The following ASGR1 variants were observed in gnomAD, a reference collection of about 807,000 sequenced individuals.
ASGR1 encodes the protein asialoglycoprotein receptor 1.
Under a neutral mutation model 33.1 loss-of-function variants are expected in ASGR1, and 35 were observed. That is an observed-to-expected ratio of 1.06 (90% CI 0.81 to 1.40). ASGR1 has a LOEUF of 1.40. Ranked by LOEUF, ASGR1 falls within the 40% of genes most tolerant of loss-of-function variation. The pLI is 0.00. For synonymous variants in ASGR1, 142 were observed against 152.5 expected, an observed-to-expected ratio of 0.93 and a Z score of 0.51; for missense variants, 396 against 373.7, an observed-to-expected ratio of 1.06 and a Z score of -0.49.
Position 7,177,125 on chromosome 17 carries a change from C to G in ASGR1, c.188-49G>C, listed in dbSNP as rs745308724. ...GAAGAAAACGGGATCGCTGTGTCCG[C>G]CACCACTGCACCCACCACTCCCTTG... On this transcript the variant is annotated intron_variant, in intron 3 of 8. Transcript: ENST00000269299. 3.1e-6 allele frequency: 5 copies of G among 1,613,002 alleles called. No homozygotes were observed. In the Admixed American group the frequency reaches 6.7e-5, roughly 22 times the overall value.
chr17:7,176,748 A>T lies in ASGR1; in HGVS notation c.355+82T>A, dbSNP rs1428012354. The T allele has an allele frequency of 3.8e-6, 6 of 1,558,710 alleles. No homozygotes were observed. In the East Asian group the frequency reaches 1.4e-4, roughly 35 times the overall value. ...CTCTCATTCTCACACACATCCACAC[A>T]CACTCACACTTTCTCACACACATCC... On this transcript the variant is annotated intron_variant, in intron 5 of 8. Transcript: ENST00000269299.
At chr17:7,178,628 C>T in intron 1 of ASGR1, 40 bp from the exon 2 acceptor site, 1 of 1,474,538 alleles carries the variant, frequency 6.8e-7, no homozygotes, top group Non-Finnish European at 9.4e-7. Flanking sequence ...TGGGGGCTCA[C>T]CAGGACTAGA....
In ASGR1 at chr17:7,173,500, G is replaced by T; in HGVS notation, c.*159C>A. ...TGATAACCTGCAAACTGCAGAAAGC[G>T]CCACGGGTTTCAAGCTCCTCACCTT... On this transcript the variant is annotated 3_prime_UTR_variant, in exon 9 of 9. Transcript: ENST00000269299. The surrounding 1 kb of genome is among the most constrained non-coding windows in gnomAD (Gnocchi z 4.7). 1 of 990,766 alleles carries T rather than the reference G, an allele frequency of 1.0e-6. No individual in the cohort carries two copies. Among genetic ancestry groups the T allele is most frequent in the Non-Finnish European group, 1.4e-6 (1 of 692,896 alleles). The allele number at this position is 990,766 out of a possible 1,614,324, so 61.4% of individuals were successfully genotyped here.
rs1444372172 is a variant in ASGR1, at chr17:7,173,941, G to A, written c.701+20C>T. ...GCGCGAAGGCGGCCGGACCCAGGCC[G>A]AGGGAGGGCGCGCACTCACTTGAAG... is the stretch of plus-strand genomic sequence containing the variant. On this transcript the variant is annotated intron_variant, in intron 8 of 8. Coordinates refer to ENST00000269299, the MANE Select transcript of ASGR1 (RefSeq NM_001671.5). This position sits in a 1 kb window ranked among gnomAD's most constrained non-coding sequence, Gnocchi z 4.7. The A allele has an allele frequency of 3.7e-6, 6 of 1,613,860 alleles. No individual in the cohort carries two copies. Among genetic ancestry groups the A allele is most frequent in the African/African-American group, 1.3e-5 (1 of 75,070 alleles).
intron 5 of ASGR1, among the ~76,000 whole-genome samples, chr17:7,175,983 TAC>T (rs763784360): frequency 3.6e-5 from 5 of 139,324 alleles, no homozygotes; most frequent in Non-Finnish European, 7.7e-5. Context: ...CTCACACACA[TAC>T]ACTGACACAT....
chr17:7,175,086 CACAG>C (rs1211774380), intron 5 of ASGR1, among the ~76,000 whole-genome samples: 37 of 146,358 alleles, frequency 2.5e-4, no homozygotes, highest in African/African-American at 9.1e-4. Context: ...AACCCACATA[CACAG>C]ACAACACACA....
chr17:7,178,510 G>GTGGTCACTCTCCTCATTGTCCAGATGC lies in ASGR1; in HGVS notation c.27_53dup (p.Gln9_Asp17dup). The GTGGTCACTCTCCTCATTGTCCAGATGC allele has an allele frequency of 1.2e-6, 2 of 1,614,006 alleles. No individual in the cohort carries two copies. Among genetic ancestry groups the GTGGTCACTCTCCTCATTGTCCAGATGC allele is most frequent in the Non-Finnish European group, 1.7e-6 (2 of 1,180,010 alleles). On this transcript the variant is annotated inframe_insertion, in exon 2 of 9. Coordinates refer to ENST00000269299, the MANE Select transcript of ASGR1 (RefSeq NM_001671.5). The stretch of plus-strand genomic sequence containing the variant: ...GGCCCTCACCTTTTCTGAGCTGATG[G>GTGGTCACTCTCCTCATTGTCCAGATGC]TGGTCACTCTCCTCATTGTCCAGAT...
In ASGR1 at chr17:7,173,492, C is replaced by CA. The variant is rs2069158065; in HGVS notation, c.*166dup. 4.4e-6 allele frequency: 4 copies of CA among 919,448 alleles called. No homozygotes were observed. The South Asian group carries it at 7.0e-5, about 16-fold the overall frequency. 57.0% of individuals were successfully genotyped at this position (919,448 alleles called of 1,614,324 possible). A position where few individuals can be genotyped will look rare whatever the true frequency, so the allele number is the denominator to read the frequency against. The stretch of plus-strand genomic sequence containing the variant: ...GTTCACAATGATAACCTGCAAACTG[C>CA]AGAAAGCGCCACGGGTTTCAAGCTC... On this transcript the variant is annotated 3_prime_UTR_variant, in exon 9 of 9. Coordinates refer to ENST00000269299, the MANE Select transcript of ASGR1 (RefSeq NM_001671.5). The surrounding 1 kb of genome is among the most constrained non-coding windows in gnomAD (Gnocchi z 4.7).
intron 5 of ASGR1, among the ~76,000 whole-genome samples, chr17:7,176,349 CACAG>C (rs1452974329): frequency 6.0e-5 from 9 of 150,686 alleles, no homozygotes; most frequent in South Asian, 2.1e-4. Flanking sequence ...CTCTCACACT[CACAG>C]ACACACACAC....
chr17:7,176,762 T>C (rs2069220139), intron 5 of ASGR1, 68 bp downstream of exon 5: 4 of 1,575,260 alleles, frequency 2.5e-6, no homozygotes, highest in East Asian at 2.3e-5. Flanking sequence ...TCACACTTTC[T>C]CACACACATC....
In ASGR1 at chr17:7,173,591, G is replaced by A. The variant is rs901464342; in HGVS notation, c.*68C>T. On this transcript the variant is annotated 3_prime_UTR_variant, in exon 9 of 9. Transcript: ENST00000269299. This position sits in a 1 kb window ranked among gnomAD's most constrained non-coding sequence, Gnocchi z 4.7. ...GATGAAAATTCCCGAGAAAGCAGAA[G>A]AGGCCCCCAGATGGGCGGATTCCCA... 6.3e-6 allele frequency: 10 copies of A among 1,595,006 alleles called. No homozygotes were observed. The Admixed American group carries it at 1.7e-4, about 27-fold the overall frequency.
intron 5 of ASGR1, among the ~76,000 whole-genome samples, chr17:7,175,739 TCA>T (rs1296512793): frequency 1.4e-5 from 2 of 144,420 alleles, no homozygotes; most frequent in East Asian, 2.1e-4. Flanking sequence ...ACTCTCCCAC[TCA>T]CAAACACCCA....
intron 2 of ASGR1, chr17:7,177,730 T>G: frequency 1.0e-5 from 2 of 191,902 alleles, no homozygotes; most frequent in Non-Finnish European, 2.2e-5. Flanking sequence ...TGTCCATGAA[T>G]TCCACTTGTC....
intron 5 of ASGR1, among the ~76,000 whole-genome samples, chr17:7,174,927 T>C (rs1037495390): frequency 6.4e-5 from 9 of 141,418 alleles, no homozygotes; most frequent in South Asian, 4.5e-4. Flanking sequence ...CAACACACCC[T>C]AACCCACATA....
chr17:7,176,527 C>CCA lies in ASGR1; in HGVS notation c.355+301_355+302dup, dbSNP rs57702147. 757 of 413,418 alleles carry CCA rather than the reference C, an allele frequency of 1.8e-3. 2 individuals carry two copies. The highest frequency in any genetic ancestry group is 4.7e-3 in the East Asian group (90 of 18,962). 25.6% of individuals were successfully genotyped at this position (413,418 alleles called of 1,614,324 possible). On this transcript the variant is annotated intron_variant, in intron 5 of 8. Coordinates refer to ENST00000269299, the MANE Select transcript of ASGR1 (RefSeq NM_001671.5). The stretch of plus-strand genomic sequence containing the variant: ...CTCAGACACACACCCCCTCTCATTC[C>CCA]CACACACACACCATCTCATTCTCAC...
At chr17:7,176,281 C>CA (rs543063577) in intron 5 of ASGR1, among the ~76,000 whole-genome samples, 1 of 144,160 alleles carries the variant, frequency 6.9e-6, no homozygotes, top group Non-Finnish European at 1.5e-5. Flanking sequence ...TCACACACCC[C>CA]ATCTCATTCT....
rs1183010037 is a variant in ASGR1 at position 7,173,818 on chromosome 17, C to T, written c.717G>A (p.Glu239=). 1 of 1,610,680 alleles carries T rather than the reference C, an allele frequency of 6.2e-7. No homozygotes were observed. ...CGTGGCCGTACCAGTCGTCCGGCTG[C>T]TCCGGCCTCCAGTTCCTGGGGACAG... ...YETGFKNWRP[E]QPDDWYGHGL... is the part of the protein sequence containing the mutation. Residue 239 remains glutamate, a synonymous_variant, in exon 9 of 9, where the codon GAG becomes GAA. Coordinates refer to ENST00000269299, the MANE Select transcript of ASGR1 (RefSeq NM_001671.5). The surrounding 1 kb of genome is among the most constrained non-coding windows in gnomAD (Gnocchi z 4.7).
intron 5 of ASGR1, among the ~76,000 whole-genome samples, chr17:7,174,961 C>T (rs1317619596): frequency 6.7e-6 from 1 of 148,876 alleles, no homozygotes; most frequent in Non-Finnish European, 1.5e-5. Context: ...CACAGACACA[C>T]AACACACCCT....
In ASGR1 at chr17:7,174,302, A is replaced by G; in HGVS notation, c.443-13T>C. 8 of 1,613,676 alleles carry G rather than the reference A, an allele frequency of 5.0e-6. No homozygotes were observed. Among genetic ancestry groups the G allele is most frequent in the Non-Finnish European group, 5.9e-6 (7 of 1,179,748 alleles). The stretch of plus-strand genomic sequence containing the variant: ...GTCCTTTCTGAGCCTGAGCGGGAGA[A>G]ACGGGGCGCAGGGGCTAAGCGCTGC... On this transcript the variant is annotated splice_polypyrimidine_tract_variant and intron_variant, in intron 6 of 8. Transcript: ENST00000269299.
Sources: gnomAD v4.1 joint callset for allele counts (sites outside exome capture counted in the v4.1 genomes callset) on GRCh38, gnomAD v4.1.1 for gene constraint, Gnocchi (gnomAD v3.1) non-coding constraint, MANE v1.5 for transcripts, NCBI Gene and HGNC (gene_info 2026-07-23, HGNC 2026-07-21) for gene names.